Variants in CCDC57 observed in about 807,000 individuals in gnomAD.
CCDC57 encodes coiled-coil domain-containing protein 57.
Under a neutral mutation model 118.9 loss-of-function variants are expected in CCDC57, and 118 were observed. That is an observed-to-expected ratio of 0.99 (90% confidence interval 0.86 to 1.16). CCDC57 has a LOEUF of 1.16. Ranked by LOEUF, CCDC57 falls within the 50% of genes most tolerant of loss-of-function variation. The pLI is 0.00. For missense variants in CCDC57, 1,300 were observed against 1,320.7 expected (o/e 0.98, Z 0.24); for synonymous variants, 527 against 532.9 (o/e 0.99, Z 0.15).
intron 19 of CCDC57, among the ~76,000 whole-genome samples, chr17:82,102,961 G>A (rs1012390838): frequency 2.0e-5 from 3 of 152,206 alleles, no homozygotes; most frequent in African/African-American, 7.2e-5. Context: ...ACTGTGGCTG[G>A]GGTGAGGTCT....
At chr17:82,123,411 G>A (rs1028397243) in intron 19 of CCDC57, among the ~76,000 whole-genome samples, 1 of 151,024 alleles carries the variant, frequency 6.6e-6, no homozygotes, top group African/African-American at 2.4e-5. Context: ...TTACAGGAGT[G>A]AGCCACCGCC....
chr17:82,198,421 C>T (rs1229881616), exon 4 of CCDC57: 1 of 1,588,082 alleles, frequency 6.3e-7, no homozygotes, highest in Non-Finnish European at 8.6e-7. Flanking sequence ...CCATTCTTGT[C>T]ACTATGGTAA....
At chr17:82,101,502 G>T, downstream of CCDC57, 1 of 578,784 alleles carries the variant, frequency 1.7e-6, no homozygotes, top group East Asian at 3.0e-5. Flanking sequence ...AATGGGCCCT[G>T]TGCTCAGGGA....
exon 18 of CCDC57, chr17:82,128,541 G>A: frequency 6.3e-7 from 1 of 1,575,658 alleles, no homozygotes; most frequent in Non-Finnish European, 8.6e-7. Context: ...GTGCTGAGCG[G>A]GGCTGGTGCT....
intron 3 of CCDC57, among the ~76,000 whole-genome samples, chr17:82,198,756 C>T (rs999591687): frequency 6.6e-6 from 1 of 151,710 alleles, no homozygotes; most frequent in Non-Finnish European, 1.5e-5. Flanking sequence ...TTTGGGAGGC[C>T]GAGGTGGGCG....
rs34543170 is a variant in CCDC57, at chr17:82,194,049, C to G, written c.709G>C (p.Glu237Gln). 4.2e-3 allele frequency: 6,703 copies of G among 1,613,768 alleles called. 221 individuals carry two copies. The African/African-American group carries it at 0.07, about 17-fold the overall frequency. Residue 237 changes from glutamate to glutamine, a missense_variant, in exon 6 of 20, where the codon GAG becomes CAG. Glu to Gln is a conservative substitution (Grantham distance 29, BLOSUM62 2). Coordinates refer to ENST00000665763, the Ensembl canonical transcript of CCDC57. ...CGGCTCTGGAGCTTCCTCTCCAGCT[C>G]GGCGTTGGTGGCCTCTGCCCTCTGC...
At chr17:82,136,573 A>G (rs1019684692) in intron 16 of CCDC57, among the ~76,000 whole-genome samples, 3 of 137,520 alleles carry the variant, frequency 2.2e-5, no homozygotes, top group African/African-American at 5.5e-5. Context: ...TTTTATATGT[A>G]TAGTACCAAA....
chr17:82,118,696 G>C lies in CCDC57; in HGVS notation c.2899+8996C>G, dbSNP rs115369573. 7.1e-3 allele frequency among the ~76,000 whole-genome samples: 1,078 copies of C among 152,220 alleles called. 10 individuals are homozygous for C. The highest frequency in any genetic ancestry group is 0.025 in the African/African-American group (1,052 of 41,512). On this transcript the variant is annotated intron_variant, in intron 19 of 19. Coordinates refer to ENST00000665763, the Ensembl canonical transcript of CCDC57. The surrounding 1 kb of genome is among the most constrained non-coding windows in gnomAD (Gnocchi z 4.7). ...GGTGCTTCTCTGGAACTGCCTTAGG[G>C]AGAGCTTCCGTCCGCACTGGGTGCC...
rs372022490 is a variant in CCDC57, at chr17:82,179,208, G to A, written c.1212-19C>T. ...CTTGTACCTAAGGACACGTCCAACC[G>A]CTCAGCATTAATGCTTCCTGAGGTC... On this transcript the variant is annotated intron_variant, in intron 9 of 19. Transcript: ENST00000665763. 139 of 1,607,198 alleles carry A rather than the reference G, an allele frequency of 8.6e-5. No individual in the cohort carries two copies. Among genetic ancestry groups the A allele is most frequent in the Non-Finnish European group, 1.1e-4 (130 of 1,176,920 alleles).
At chr17:82,123,691 A>G (rs1378233103) in intron 19 of CCDC57, among the ~76,000 whole-genome samples, 1 of 152,172 alleles carries the variant, frequency 6.6e-6, no homozygotes, top group Non-Finnish European at 1.5e-5. Flanking sequence ...CAGAATGTAA[A>G]AATATTAGAA....
At chr17:82,117,895 A>G (rs1312503871) in intron 19 of CCDC57, among the ~76,000 whole-genome samples, 1 of 152,148 alleles carries the variant, frequency 6.6e-6, no homozygotes, top group Non-Finnish European at 1.5e-5. Context: ...ACCTTTGACC[A>G]GCTATTTCCC....
At chr17:82,195,419 C>CA in intron 4 of CCDC57, 55 bp from the exon 4 acceptor site, 1 of 1,394,596 alleles carries the variant, frequency 7.2e-7, no homozygotes, top group Non-Finnish European at 1.0e-6. Flanking sequence ...CAAAGACCCC[C>CA]ACCCACGTCC....
chr17:82,200,022 C>A (rs1013771966), intron 3 of CCDC57, among the ~76,000 whole-genome samples: 4 of 152,326 alleles, frequency 2.6e-5, no homozygotes, highest in South Asian at 2.1e-4. Flanking sequence ...GCGATCCCTG[C>A]GGGCTGCTAC....
intron 17 of CCDC57, among the ~76,000 whole-genome samples, chr17:82,129,613 G>T (rs940034679): frequency 1.2e-4 from 19 of 152,326 alleles, no homozygotes; most frequent in African/African-American, 4.3e-4. Flanking sequence ...ACAGCCTGAT[G>T]CTCACTGCCC....
intron 19 of CCDC57, among the ~76,000 whole-genome samples, chr17:82,116,316 G>T (rs62079993): frequency 0.17 from 25,731 of 151,700 alleles, 2,538 homozygotes; most frequent in Non-Finnish European, 0.23. Flanking sequence ...CCACCTAGAA[G>T]AAAACAAAAT....
At chr17:82,108,712 T>G (rs1190220903) in intron 19 of CCDC57, 2 of 152,188 alleles carry the variant, frequency 1.3e-5, no homozygotes, top group African/African-American at 4.8e-5. Context: ...ACTGTGAGCG[T>G]GACCAGCTGG....
intron 16 of CCDC57, among the ~76,000 whole-genome samples, chr17:82,141,954 A>G (rs1017567286): frequency 6.6e-6 from 1 of 152,140 alleles, no homozygotes; most frequent in East Asian, 1.9e-4. Context: ...ACTGATAGGC[A>G]TGCGGATTCT....
chr17:82,151,288 C>A (rs546862219), intron 16 of CCDC57, among the ~76,000 whole-genome samples: 1 of 147,462 alleles, frequency 6.8e-6, no homozygotes, highest in African/African-American at 2.5e-5. Flanking sequence ...CAGAACCAGG[C>A]GCATACCCAG....
At chr17:82,134,639 C>T (rs1233679347) in intron 16 of CCDC57, among the ~76,000 whole-genome samples, 1 of 152,002 alleles carries the variant, frequency 6.6e-6, no homozygotes, top group East Asian at 1.9e-4. Flanking sequence ...ACTAAAAATA[C>T]AAAAATTAGC....
Sources: gnomAD v4.1 joint callset for allele counts (sites outside exome capture counted in the v4.1 genomes callset) on GRCh38, gnomAD v4.1.1 for gene constraint, Gnocchi (gnomAD v3.1) non-coding constraint, MANE v1.5 for transcripts, NCBI Gene and HGNC (gene_info 2026-07-23, HGNC 2026-07-21) for gene names.